The following DMD variants were observed in gnomAD, a reference collection of about 807,000 sequenced individuals.
DMD encodes the protein dystrophin, also known as mutant dystrophin.
Under a neutral mutation model 330.1 loss-of-function variants are expected in DMD, and 63 were observed. That is an observed-to-expected ratio of 0.19 (90% CI 0.16 to 0.24). The LOEUF is 0.24. Ranked by LOEUF, DMD falls within the 10% of genes least tolerant of loss-of-function variation. The pLI is 1.00. For synonymous variants in DMD, 1,223 were observed against 959.8 expected (o/e 1.27, Z -5.07); for missense variants, 3,344 against 2,684.1 (o/e 1.25, Z -5.43).
intron 44 of DMD, among the ~76,000 whole-genome samples, chrX:32,013,093 CTTT>C (rs754162660): frequency 2.0e-4 from 12 of 61,154 alleles, no homozygotes; most frequent in South Asian, 9.8e-4. Context: ...CTTTTCTTTC[CTTT>C]TTTTTTTTTT....
At chrX:32,655,890 G>C (rs1394251977) in intron 9 of DMD, among the ~76,000 whole-genome samples, 2 of 111,374 alleles carry the variant, frequency 1.8e-5, no homozygotes, top group African/African-American at 6.5e-5. Flanking sequence ...TTACCATTAT[G>C]TAATGGCCTT....
chrX:31,266,699 G>A (rs1469723193), intron 62 of DMD: 3 of 820,083 alleles, frequency 3.7e-6, no homozygotes, highest in Non-Finnish European at 3.6e-6. Flanking sequence ...GGCGCCCCGG[G>A]TCCAGCCGCC....
chrX:32,566,052 T>A (rs1049826138), intron 15 of DMD, among the ~76,000 whole-genome samples, 171 bp from the exon 16 acceptor site: 1 of 111,817 alleles, frequency 8.9e-6, no homozygotes. Context: ...TTATAATCTA[T>A]CTAATTATCC....
chrX:32,558,957 T>TC, intron 16 of DMD, among the ~76,000 whole-genome samples: 3 of 81,425 alleles, frequency 3.7e-5, no homozygotes, highest in African/African-American at 1.1e-4. Context: ...TTTTTTTTTT[T>TC]TTTTTTTTTT....
intron 13 of DMD, among the ~76,000 whole-genome samples, chrX:32,581,875 A>AG (rs2053690834): frequency 8.9e-6 from 1 of 112,145 alleles, no homozygotes; most frequent in South Asian, 3.7e-4. Context: ...AGTTTATTAC[A>AG]GGAAGAAAGG....
chrX:32,384,913 C>T (rs932904152), intron 33 of DMD, among the ~76,000 whole-genome samples: 2 of 110,932 alleles, frequency 1.8e-5, no homozygotes, highest in Admixed American at 9.6e-5. Flanking sequence ...CTAAGATATC[C>T]GTTTATGGAA....
intron 7 of DMD, among the ~76,000 whole-genome samples, chrX:32,726,702 T>A (rs1217501135): frequency 1.8e-5 from 2 of 111,206 alleles, no homozygotes; most frequent in Non-Finnish European, 3.8e-5. Context: ...AAGTTTTTTT[T>A]ATTATTTATG....
At position 31,185,297 on chromosome X, in the gene DMD, T is replaced by A. The variant is rs186708608; in HGVS notation, c.9808-2393A>T. ...AATAGTGCCTCTTCTCCATTCCCTC[T>A]CCATTCTACTTTCAGAACTCTGTTA... On this transcript the variant is annotated intron_variant, in intron 67 of 78. Coordinates refer to ENST00000357033, the MANE Select transcript of DMD (RefSeq NM_004006.3). 2.7e-5 allele frequency among the ~76,000 whole-genome samples: 3 copies of A among 110,857 alleles called. 1 individual carries two copies. In the South Asian group the frequency reaches 1.2e-3, roughly 43 times the overall value.
intron 41 of DMD, among the ~76,000 whole-genome samples, chrX:32,327,190 G>T (rs773181907): frequency 2.6e-5 from 1 of 37,910 alleles, no homozygotes; most frequent in Admixed American, 3.8e-4. Context: ...AAGCTACTAG[G>T]GGCACAAAAA....
chrX:32,425,831 T>C (rs532323298), intron 29 of DMD, among the ~76,000 whole-genome samples: 2 of 111,352 alleles, frequency 1.8e-5, no homozygotes, highest in African/African-American at 6.5e-5. Flanking sequence ...CCAGAAATAA[T>C]GCCACACACC....
chrX:32,642,700 A>G (rs2059547053), intron 11 of DMD, among the ~76,000 whole-genome samples: 1 of 112,098 alleles, frequency 8.9e-6, no homozygotes, highest in Non-Finnish European at 1.9e-5. Flanking sequence ...CTTGCAACTC[A>G]ATTTCACACA....
chrX:32,658,032 T>TA (rs1456289252), intron 9 of DMD, among the ~76,000 whole-genome samples: 1 of 111,812 alleles, frequency 8.9e-6, no homozygotes, highest in Non-Finnish European at 1.9e-5. Flanking sequence ...AATTGACATA[T>TA]ACTGCACTTA....
chrX:32,621,843 C>G lies in DMD; in HGVS notation c.1332-7390G>C, dbSNP rs781372380. Among the ~76,000 whole-genome samples the G allele has an allele frequency of 9.9e-5, 11 of 111,095 alleles. No homozygotes were observed. In the East Asian group the frequency reaches 2.9e-3, roughly 29 times the overall value. On this transcript the variant is annotated intron_variant, in intron 11 of 78. Transcript: ENST00000357033. ...TGGACCCTGGACCAACAGCATCAGC[C>G]CATCCCCTAGAAACTTGCTAGAAGT...
intron 44 of DMD, among the ~76,000 whole-genome samples, chrX:32,204,621 G>T (rs2097055594): frequency 9.0e-6 from 1 of 110,780 alleles, no homozygotes; most frequent in Non-Finnish European, 1.9e-5. Context: ...GTCCCTTCTT[G>T]CATTGCTATA....
At chrX:31,918,239 G>T (rs962363110) in intron 47 of DMD, among the ~76,000 whole-genome samples, 1 of 112,159 alleles carries the variant, frequency 8.9e-6, no homozygotes, top group Admixed American at 9.5e-5. Context: ...CTCACTAGAC[G>T]CTGGGAGATG....
At chrX:32,668,227 T>C (rs1039896082) in intron 9 of DMD, among the ~76,000 whole-genome samples, 28 of 112,069 alleles carry the variant, frequency 2.5e-4, no homozygotes, top group African/African-American at 9.1e-4. Flanking sequence ...TTCAAATTGC[T>C]GGCCCATTTG....
rs1308731789 is a variant in DMD at position 32,054,875 on chromosome X, G to A, written c.6439-86361C>T. The stretch of plus-strand genomic sequence containing the variant: ...AAGGAGAGGGGAGGGAAGGGAAGGG[G>A]AGGGGAGGGGAGGGGAGGGGAGGAG... On this transcript the variant is annotated intron_variant, in intron 44 of 78. Coordinates refer to ENST00000357033, the MANE Select transcript of DMD (RefSeq NM_004006.3). Among the ~76,000 whole-genome samples the A allele has an allele frequency of 1.5e-4, 13 of 85,726 alleles. No individual in the cohort carries two copies. In the East Asian group the frequency reaches 1.9e-3, roughly 13 times the overall value. 74.4% of individuals were successfully genotyped at this position (85,726 alleles called of 115,157 possible).
intron 1 of DMD, among the ~76,000 whole-genome samples, chrX:33,067,237 G>T (rs1487139900): frequency 8.9e-6 from 1 of 112,231 alleles, no homozygotes; most frequent in Non-Finnish European, 1.9e-5. Flanking sequence ...GATGGAAATA[G>T]GGTTGTTGAA....
chrX:32,883,064 G>C (rs149862399), intron 2 of DMD, among the ~76,000 whole-genome samples: 1,671 of 111,911 alleles, frequency 0.015, 25 homozygotes, highest in African/African-American at 0.051. Flanking sequence ...TTGTGATCAA[G>C]AATGGATGGA....
Sources: gnomAD v4.1 joint callset for allele counts (sites outside exome capture counted in the v4.1 genomes callset) on GRCh38, gnomAD v4.1.1 for gene constraint, MANE v1.5 for transcripts, NCBI Gene and HGNC (gene_info 2026-07-23, HGNC 2026-07-21) for gene names.